The following SPAG17 variants were observed in gnomAD, a reference collection of about 807,000 sequenced individuals.
SPAG17 encodes sperm-associated antigen 17.
SPAG17 carries 169 observed loss-of-function variants against 273.6 expected under a neutral mutation model. The observed-to-expected ratio is 0.62, with a 90% CI of 0.55 to 0.70. The LOEUF is 0.70. Among genes scored for constraint, SPAG17 ranks in the 30% least tolerant of loss-of-function variants. SPAG17 has a pLI of 0.00. For missense variants in SPAG17, 2,557 were observed against 2,627.8 expected (o/e 0.97, Z 0.59); for synonymous variants, 825 against 873.2 (o/e 0.94, Z 0.97).
intron 28 of SPAG17, among the ~76,000 whole-genome samples, chr1:118,021,984 C>G (rs1399528037): frequency 1.3e-5 from 2 of 152,098 alleles, no homozygotes; most frequent in South Asian, 2.1e-4. Context: ...AAAAAGTAAT[C>G]TAGTTGCTTC....
intron 3 of SPAG17, among the ~76,000 whole-genome samples, chr1:118,121,307 GATCTGGGACCT>G (rs1657406282): frequency 1.3e-5 from 2 of 152,290 alleles, no homozygotes; most frequent in Admixed American, 1.3e-4. Context: ...TGGCAAGTAA[GATCTGGGACCT>G]ATCTATGCGT....
chr1:118,157,772 T>C (rs534093119), intron 1 of SPAG17, among the ~76,000 whole-genome samples: 2 of 152,328 alleles, frequency 1.3e-5, no homozygotes, highest in South Asian at 4.1e-4. Flanking sequence ...ATGAAGATAA[T>C]GACAGTACCT....
At chr1:118,060,749 A>G (rs1352658546) in intron 18 of SPAG17, among the ~76,000 whole-genome samples, 1 of 152,122 alleles carries the variant, frequency 6.6e-6, no homozygotes. Context: ...TTTGGGAAAG[A>G]CTATCTCTCC....
chr1:118,104,311 G>T (rs575965501), intron 4 of SPAG17, among the ~76,000 whole-genome samples: 2 of 152,164 alleles, frequency 1.3e-5, no homozygotes, highest in East Asian at 3.9e-4. Flanking sequence ...TTGAGCAACT[G>T]GGTGGTTGAT....
intron 23 of SPAG17, among the ~76,000 whole-genome samples, chr1:118,037,614 T>C (rs928380182): frequency 7.2e-5 from 11 of 152,218 alleles, no homozygotes; most frequent in African/African-American, 2.7e-4. Context: ...TGTTTTTCTG[T>C]TCCTGTGTTA....
chr1:118,083,754 C>A (rs1047546657), intron 13 of SPAG17, among the ~76,000 whole-genome samples: 1 of 152,052 alleles, frequency 6.6e-6, no homozygotes, highest in Non-Finnish European at 1.5e-5. Flanking sequence ...CACTGCACTC[C>A]AGCCTGGCGA....
Position 118,054,017 on chromosome 1 carries a change from T to C in SPAG17, c.2799A>G (p.Leu933=). 1 of 1,608,110 alleles carries C rather than the reference T, an allele frequency of 6.2e-7. No individual in the cohort carries two copies. The highest frequency in any genetic ancestry group is 8.5e-7 in the Non-Finnish European group (1 of 1,176,688). ...EKEKEKIPFI[L]EGSLKAWKEE... ...GCTGGATTACCTTGAGAGAGCCTTC[T>C]AAAATGAAAGGAATCTTTTCCTTCT... is the stretch of plus-strand genomic sequence containing the variant. Residue 933 remains leucine, a synonymous_variant, in exon 20 of 49, where the codon TTA becomes TTG. Coordinates refer to ENST00000336338, the MANE Select transcript of SPAG17 (RefSeq NM_206996.4).
chr1:117,988,510 C>G (rs986763304), intron 38 of SPAG17, among the ~76,000 whole-genome samples: 3 of 152,144 alleles, frequency 2.0e-5, no homozygotes, highest in Admixed American at 6.5e-5. Context: ...AAGCAGCAAA[C>G]CTTAAAACAA....
Position 118,028,349 on chromosome 1 carries a change from C to T in SPAG17, c.3655G>A (p.Val1219Ile). The T allele has an allele frequency of 1.2e-6, 2 of 1,613,840 alleles. No homozygotes were observed. Among genetic ancestry groups the T allele is most frequent in the African/African-American group, 1.3e-5 (1 of 75,020 alleles). Residue 1219 changes from valine (V) to isoleucine (I), a missense_variant, in exon 26 of 49, where the codon GTT becomes ATT. Val to Ile is a conservative substitution (Grantham distance 29). Transcript: ENST00000336338. ...ACATTTAGGCTCTGGAAGGTGGGAA[C>T]ATCCAAAGTCTCTTGTAAAACAGGT... ...PEPVLQETLD[V>I]PTFQSLNVSC...
intron 19 of SPAG17, 146 bp from the exon 20 acceptor site, chr1:118,054,239 GA>G: frequency 1.7e-6 from 1 of 597,124 alleles, no homozygotes; most frequent in Non-Finnish European, 2.9e-6. Flanking sequence ...GCCATCTCTA[GA>G]ATGAACATCT....
rs564065461 is a variant in SPAG17 at position 118,063,281 on chromosome 1, A to G, written c.2540+3464T>C. On this transcript the variant is annotated intron_variant, in intron 18 of 48. Transcript: ENST00000336338. ...AAAAAGAGCCCGCATCACCAAGTCAATCTTCAGCCAAAAGAACATAGCTGG... is the reference window on the plus strand; with the variant it reads ...AAAAAGAGCCCGCATCACCAAGTCAGTCTTCAGCCAAAAGAACATAGCTGG... Among the ~76,000 whole-genome samples the G allele has an allele frequency of 1.8e-3, 267 of 152,324 alleles. 1 individual carries two copies. The Middle Eastern group carries it at 0.02, about 12-fold the overall frequency.
intron 13 of SPAG17, among the ~76,000 whole-genome samples, chr1:118,085,536 G>GTGCGCGCA (rs1654926085): frequency 6.6e-6 from 1 of 151,746 alleles, no homozygotes; most frequent in South Asian, 2.1e-4. Flanking sequence ...GCGTGCGCGC[G>GTGCGCGCA]CGCACACACA....
chr1:118,046,409 CA>C (rs1482968961), intron 20 of SPAG17, among the ~76,000 whole-genome samples: 1 of 151,758 alleles, frequency 6.6e-6, no homozygotes, highest in Non-Finnish European at 1.5e-5. Context: ...TTTGTAGCAA[CA>C]CAAAAAAATC....
chr1:118,104,136 CG>C (rs1358327961), intron 4 of SPAG17, among the ~76,000 whole-genome samples: 1 of 152,100 alleles, frequency 6.6e-6, no homozygotes, highest in Non-Finnish European at 1.5e-5. Context: ...AGGAAACTCT[CG>C]CAATAGTCCA....
chr1:118,001,266 T>C (rs1447224289), intron 32 of SPAG17, among the ~76,000 whole-genome samples: 1 of 152,228 alleles, frequency 6.6e-6, no homozygotes, highest in African/African-American at 2.4e-5. Context: ...ATCAGGGACA[T>C]TGGTCTAAAA....
chr1:118,165,697 C>G (rs532429359), intron 1 of SPAG17, among the ~76,000 whole-genome samples: 15 of 133,738 alleles, frequency 1.1e-4, no homozygotes, highest in East Asian at 4.5e-4. Context: ...CCAGGTTGGA[C>G]TGCAGTGGCG....
intron 30 of SPAG17, among the ~76,000 whole-genome samples, chr1:118,010,807 A>G (rs1338208847): frequency 2.6e-5 from 4 of 152,090 alleles, no homozygotes; most frequent in Non-Finnish European, 5.9e-5. Flanking sequence ...ATATATACAA[A>G]CTATGCATCT....
chr1:118,134,841 C>T (rs1658249698), intron 3 of SPAG17, among the ~76,000 whole-genome samples: 2 of 152,202 alleles, frequency 1.3e-5, no homozygotes, highest in African/African-American at 4.8e-5. Flanking sequence ...GGCCTGATTC[C>T]TTTGCCTAGA....
intron 18 of SPAG17, among the ~76,000 whole-genome samples, chr1:118,056,627 C>T (rs1258200876): frequency 1.3e-5 from 2 of 152,164 alleles, no homozygotes; most frequent in Non-Finnish European, 2.9e-5. Context: ...TTAAATTTGA[C>T]AATAAAAATT....
Sources: gnomAD v4.1 joint callset for allele counts (sites outside exome capture counted in the v4.1 genomes callset) on GRCh38, gnomAD v4.1.1 for gene constraint, MANE v1.5 for transcripts, NCBI Gene and HGNC (gene_info 2026-07-23, HGNC 2026-07-21) for gene names.